Variants in AXL observed in about 807,000 individuals in gnomAD.
AXL encodes AXL receptor tyrosine kinase.
A neutral mutation model predicts 104.5 loss-of-function variants in AXL; 52 were observed. That is an observed-to-expected ratio of 0.50 (90% CI 0.40 to 0.63). The LOEUF is 0.63. AXL is among the 20% of genes least tolerant of loss of function. AXL has a pLI of 0.00. For synonymous variants in AXL, 455 were observed against 473.7 expected (o/e 0.96, Z 0.51); for missense variants, 1,024 against 1,188.5 (o/e 0.86, Z 2.04).
chr19:41,255,529 C>T (rs1401260002), intron 17 of AXL, among the ~76,000 whole-genome samples: 4 of 151,910 alleles, frequency 2.6e-5, no homozygotes, highest in African/African-American at 9.7e-5. Flanking sequence ...TAGCCTCCAA[C>T]TCCTGGCTCA....
intron 4 of AXL, 117 bp from the exon 5 acceptor site, chr19:41,230,850 C>G (rs1305348911): frequency 6.8e-6 from 7 of 1,023,920 alleles, no homozygotes; most frequent in Admixed American, 5.3e-5. Context: ...AGGCAAGTGC[C>G]TGTGTGGGCT....
intron 15 of AXL, 36 bp downstream of exon 15, chr19:41,252,479 C>G (rs779237075): frequency 6.2e-7 from 1 of 1,600,634 alleles, no homozygotes; most frequent in Non-Finnish European, 8.6e-7. Context: ...TCTACAAGCC[C>G]CATGGGGGCC....
chr19:41,237,832 A>G (rs558134777), intron 6 of AXL, 112 bp from the exon 7 acceptor site: 2 of 983,938 alleles, frequency 2.0e-6, no homozygotes, highest in Non-Finnish European at 3.2e-6. Flanking sequence ...TGCAACACAC[A>G]CGCACCCTTG....
chr19:41,256,080 G>GGTGT (rs71177704), intron 17 of AXL, among the ~76,000 whole-genome samples: 21,261 of 150,574 alleles, frequency 0.14, 1,609 homozygotes, highest in East Asian at 0.27. Flanking sequence ...TGGTTACATG[G>GGTGT]GTGTGTGTGT....
chr19:41,243,791 G>T (rs2034225725), intron 12 of AXL, 84 bp downstream of exon 12: 2 of 1,217,008 alleles, frequency 1.6e-6, no homozygotes, highest in African/African-American at 3.0e-5. Context: ...GTACATGTGT[G>T]AGCCAAAAGT....
chr19:41,246,730 A>G (rs4803451), intron 12 of AXL, among the ~76,000 whole-genome samples: 1 of 151,708 alleles, frequency 6.6e-6, no homozygotes, highest in Non-Finnish European at 1.5e-5. Flanking sequence ...AAATTTTTTT[A>G]TTTTTTTAGA....
At chr19:41,254,529 A>AT (rs958357746) in intron 17 of AXL, among the ~76,000 whole-genome samples, 1 of 152,048 alleles carries the variant, frequency 6.6e-6, no homozygotes, top group Non-Finnish European at 1.5e-5. Flanking sequence ...TCAAAAAAAA[A>AT]GAAAAAAAGA....
rs1021339580 is a variant in AXL, at chr19:41,233,631, G to GA, written c.783+2344dup. Among the ~76,000 whole-genome samples, 286 of 136,252 alleles carry GA rather than the reference G, an allele frequency of 2.1e-3. 1 individual carries two copies. The highest frequency in any genetic ancestry group is 5.5e-3 in the African/African-American group (204 of 37,246). 89.4% of individuals were successfully genotyped at this position (136,252 alleles called of 152,430 possible). ...GGTGACAGAGTAAGACTCTGTCTGA[G>GA]AAAAAAAAAAACAAAAAACAGTGGC... is the stretch of plus-strand genomic sequence containing the variant. On this transcript the variant is annotated intron_variant, in intron 6 of 19. Coordinates refer to ENST00000301178, the MANE Select transcript of AXL (RefSeq NM_021913.5).
intron 2 of AXL, 86 bp downstream of exon 2, chr19:41,220,944 C>A: frequency 6.8e-7 from 1 of 1,473,876 alleles, no homozygotes; most frequent in Non-Finnish European, 9.3e-7. Flanking sequence ...CCAGTTTGAC[C>A]ACTTGTCAGC....
At chr19:41,239,341 C>T (rs761117399) in intron 9 of AXL, 27 bp downstream of exon 9, 11 of 1,543,064 alleles carry the variant, frequency 7.1e-6, no homozygotes, top group Non-Finnish European at 9.6e-6. Flanking sequence ...GCCCAACCTG[C>T]TTCAACCCTG....
intron 12 of AXL, among the ~76,000 whole-genome samples, chr19:41,245,452 A>G (rs1024780440): frequency 6.6e-6 from 1 of 152,012 alleles, no homozygotes; most frequent in African/African-American, 2.4e-5. Context: ...GGCTGGGTGC[A>G]GTGGCTCACG....
chr19:41,238,422 GT>G (rs1361226929), intron 7 of AXL, 47 bp from the exon 8 acceptor site: 2 of 1,590,694 alleles, frequency 1.3e-6, no homozygotes, highest in African/African-American at 2.7e-5. Context: ...AGGGGAGGGG[GT>G]CAGGAAGAGG....
Position 41,243,667 on chromosome 19 carries a change from C to G in AXL, c.1497C>G (p.Arg499=). The change falls in exon 12 of 20, where the codon CGC becomes CGG. Residue 499 remains arginine, a synonymous_variant. Transcript: ENST00000301178. ...GAGGTGAACTGGTAGTCAGGTACCG[C>G]GTGCGCAAGTCCTACAGTCGTCGGA... The part of the protein sequence containing the change: ...VERGELVVRY[R]VRKSYSRRTT... 1.2e-6 allele frequency: 2 copies of G among 1,614,060 alleles called. No homozygotes were observed. Among genetic ancestry groups the G allele is most frequent in the Non-Finnish European group, 1.7e-6 (2 of 1,180,018 alleles).
At position 41,222,042 on chromosome 19, in the gene AXL, G is replaced by A; in HGVS notation, c.572G>A (p.Ser191Asn). 6.3e-7 allele frequency: 1 copy of A among 1,579,740 alleles called. No individual in the cohort carries two copies. Among genetic ancestry groups the A allele is most frequent in the Non-Finnish European group, 8.6e-7 (1 of 1,165,736 alleles). Residue 191 changes from serine (S) to asparagine (N), a missense_variant, in exon 4 of 20, where the codon AGC becomes AAC. Transcript: ENST00000301178. ...ATAPGHGPQR[S>N]LHVPGLNKTS... ...GCTCCAGGTCACGGCCCCCAGCGCA[G>A]CCTGCATGTTCCAGGTGAGTCCGGG...
intron 10 of AXL, among the ~76,000 whole-genome samples, chr19:41,241,140 A>G (rs536772065): frequency 5.9e-5 from 9 of 152,196 alleles, no homozygotes; most frequent in African/African-American, 2.2e-4. Flanking sequence ...GACTTCACGA[A>G]TACTCTTCCC....
chr19:41,237,239 A>G (rs181959631), intron 6 of AXL, among the ~76,000 whole-genome samples: 114 of 152,218 alleles, frequency 7.5e-4, no homozygotes, highest in South Asian at 2.5e-3. Flanking sequence ...TGCTATTATT[A>G]TGATGATCAT....
chr19:41,249,193 A>C (rs539274918), intron 14 of AXL, among the ~76,000 whole-genome samples: 2 of 152,042 alleles, frequency 1.3e-5, no homozygotes, highest in Non-Finnish European at 2.9e-5. Context: ...CCAGAATAGC[A>C]CTTTGGGAGG....
intron 4 of AXL, among the ~76,000 whole-genome samples, chr19:41,222,644 C>A (rs528668620): frequency 1.3e-5 from 2 of 152,170 alleles, no homozygotes; most frequent in Non-Finnish European, 2.9e-5. Context: ...TGGTGGCTCA[C>A]GCCTGTAATC....
chr19:41,231,291 C>A lies in AXL; in HGVS notation c.776C>A (p.Thr259Asn). The A allele has an allele frequency of 6.2e-7, 1 of 1,613,078 alleles. No individual in the cohort carries two copies. The highest frequency in any genetic ancestry group is 8.5e-7 in the Non-Finnish European group (1 of 1,179,354). Residue 259 changes from threonine to asparagine, a missense_variant, in exon 6 of 20, where the codon ACC becomes AAC. Around this residue, in one of 5 missense-constraint regions of AXL, gnomAD observed 332 missense variants for 343.9 expected, o/e 0.97. Transcript: ENST00000301178. ...GGCATCTACCCCCTGACCCACTGCA[C>A]CCTGCAGGTGAGACTCCCAAACTTG... Reference protein sequence around the residue: ...LSGIYPLTHCTLQAVLSDDGM... With the variant: ...LSGIYPLTHCNLQAVLSDDGM...
Sources: gnomAD v4.1 joint callset for allele counts (sites outside exome capture counted in the v4.1 genomes callset) on GRCh38, gnomAD v4.1.1 for gene constraint, gnomAD v4.1.1 regional missense constraint, MANE v1.5 for transcripts, NCBI Gene and HGNC (gene_info 2026-07-23, HGNC 2026-07-21) for gene names.